TSC2: variants seen among roughly 807,000 people sequenced by gnomAD.
TSC2 encodes the protein tuberin.
TSC2 carries 29 observed loss-of-function variants against 202.2 expected under a neutral mutation model. The observed-to-expected ratio is 0.14, with a 90% CI of 0.11 to 0.20. TSC2 has a LOEUF of 0.20. Among genes scored for constraint, TSC2 ranks in the 10% least tolerant of loss-of-function variants. The probability of loss-of-function intolerance (pLI) is 1.00; values close to 1 mark genes in which losing one functional copy is unlikely to be tolerated. For synonymous variants in TSC2, 1,349 were observed against 1,044.0 expected, an observed-to-expected ratio of 1.29 and a Z score of -5.63; for missense variants, 2,429 against 2,420.0, an observed-to-expected ratio of 1.00 and a Z score of -0.08.
chr16:2,048,527 AGTGGGGAAG>A, intron 1 of TSC2, 51 bp from the exon 2 acceptor site: 1 of 1,605,270 alleles, frequency 6.2e-7, no homozygotes, highest in Non-Finnish European at 8.5e-7. Context: ...GGAGGTCCGC[AGTGGGGAAG>A]GTGGGCAGAG....
At chr16:2,077,823 C>G in intron 26 of TSC2, 97 bp downstream of exon 26, 2 of 1,582,928 alleles carry the variant, frequency 1.3e-6, no homozygotes, top group Non-Finnish European at 1.7e-6. Context: ...ACCTCATCGT[C>G]TGCCCGTGTC....
intron 14 of TSC2, chr16:2,064,006 C>G (rs1009462313): frequency 9.1e-6 from 5 of 552,402 alleles, no homozygotes; most frequent in South Asian, 3.9e-5. Flanking sequence ...CTCGGCTGCT[C>G]CTTGTGAGTT....
rs563617474 is a variant in TSC2 at position 2,048,578 on chromosome 16, T to C, written c.-29-9T>C. On this transcript the variant is annotated splice_polypyrimidine_tract_variant and intron_variant, in intron 1 of 41. Transcript: ENST00000219476. ...CTCAGATGTCCCCATTCCTGTTTCG[T>C]TTGCACAGAGGGGTTTTCTGGTGCG... The C allele has an allele frequency of 1.2e-6, 2 of 1,613,442 alleles. No homozygotes were observed. Among genetic ancestry groups the C allele is most frequent in the South Asian group, 2.2e-5 (2 of 91,076 alleles).
rs536317944 is a variant in TSC2 at position 2,087,708 on chromosome 16, C to T, written c.4990-155C>T. 3.9e-5 allele frequency among the ~76,000 whole-genome samples: 6 copies of T among 152,290 alleles called. No individual in the cohort carries two copies. The South Asian group carries it at 1.2e-3, about 32-fold the overall frequency. On this transcript the variant is annotated intron_variant, in intron 38 of 41. Coordinates refer to ENST00000219476, the MANE Select transcript of TSC2 (RefSeq NM_000548.5). The stretch of plus-strand genomic sequence containing the variant: ...TGGAGGGGGCTTGGCCTGGGGGAGG[C>T]CAGACAAACACAGCCCCGCTGCCAG...
chr16:2,049,226 C>T (rs2084773933), intron 2 of TSC2, among the ~76,000 whole-genome samples: 1 of 152,040 alleles, frequency 6.6e-6, no homozygotes, highest in African/African-American at 2.4e-5. Flanking sequence ...GCTGGGACTA[C>T]AGACACGTGC....
chr16:2,059,012 G>C (rs557200953), intron 10 of TSC2, 139 bp downstream of exon 10: 9 of 1,399,916 alleles, frequency 6.4e-6, no homozygotes, highest in Non-Finnish European at 8.8e-6. Flanking sequence ...CTTTGCAGCT[G>C]GGGGTGAGGT....
In TSC2 at chr16:2,080,324, A is replaced by G. The variant is rs137854421; in HGVS notation, c.3557A>G (p.Tyr1186Cys). 2.1e-4 allele frequency: 340 copies of G among 1,612,714 alleles called. No individual in the cohort carries two copies. Among genetic ancestry groups the G allele is most frequent in the South Asian group, 4.1e-4 (37 of 91,072 alleles). The change falls in exon 30 of 42, where the codon TAT (tyrosine) becomes TGT (cysteine). Residue 1186 changes from tyrosine (Y) to cysteine (C), a missense_variant. Tyr to Cys is a radical substitution (Grantham distance 194). Transcript: ENST00000219476. ...PVQEKTNLAA[Y>C]VPLLTQGWAE... ...CAGGAGAAGACGAACCTGGCGGCCTATGTGCCCCTGCTGACCCAGGGCTGG... is the reference window on the plus strand; with the variant it reads ...CAGGAGAAGACGAACCTGGCGGCCTGTGTGCCCCTGCTGACCCAGGGCTGG...
rs1567490981 is a variant in TSC2 at position 2,077,674 on chromosome 16, G to A, written c.2914G>A (p.Ala972Thr). 1.2e-6 allele frequency: 2 copies of A among 1,613,128 alleles called. No individual in the cohort carries two copies. Among genetic ancestry groups the A allele is most frequent in the Non-Finnish European group, 1.7e-6 (2 of 1,180,036 alleles). Reference protein sequence around the residue: ...PVKEFKESSAAEAFRCRSISV... With the variant: ...PVKEFKESSATEAFRCRSISV... The stretch of plus-strand genomic sequence containing the variant: ...GAAAGAATTCAAGGAGAGCTCTGCA[G>A]CCGAGGCCTTCCGGTGCCGCAGCAT... Residue 972 changes from alanine (A) to threonine (T), a missense_variant, in exon 26 of 42, where the codon GCC becomes ACC. Transcript: ENST00000219476.
rs1158055650 is a variant in TSC2, at chr16:2,063,012, G to C, written c.1402G>C (p.Val468Leu). The part of the protein sequence containing the change: ...RGAVRIKVLD[V>L]LSFVLLINRQ... ...CGCCGTGCGCATCAAGGTGCTGGAC[G>C]TGCTGTCCTTTGTGCTGCTCATCAA... The change falls in exon 14 of 42, where the codon GTG becomes CTG. Residue 468 changes from valine (V) to leucine (L), a missense_variant. Physicochemically the swap from Val to Leu is conservative, Grantham distance 32 (BLOSUM62 1). Coordinates refer to ENST00000219476, the MANE Select transcript of TSC2 (RefSeq NM_000548.5). The C allele has an allele frequency of 6.4e-7, 1 of 1,551,470 alleles. No homozygotes were observed. The highest frequency in any genetic ancestry group is 1.4e-5 in the African/African-American group (1 of 73,184).
At chr16:2,062,668 G>C in intron 13 of TSC2, 68 bp downstream of exon 13, 1 of 1,502,768 alleles carries the variant, frequency 6.7e-7, no homozygotes, top group South Asian at 1.2e-5. Flanking sequence ...GGGCCCACCC[G>C]GGCTGGGTCT....
intron 14 of TSC2, 193 bp from the exon 15 acceptor site, chr16:2,064,078 TG>T: frequency 1.2e-6 from 1 of 806,366 alleles, no homozygotes; most frequent in Non-Finnish European, 2.1e-6. Context: ...AACGAGGAGC[TG>T]GACAGGATCC....
At chr16:2,064,471 C>T (rs767976601) in intron 15 of TSC2, 44 bp downstream of exon 15, 1 of 1,611,282 alleles carries the variant, frequency 6.2e-7, no homozygotes, top group South Asian at 1.1e-5. Context: ...CGTGCCAGAG[C>T]TCCGTGGGCA....
In TSC2 at chr16:2,080,321, C is replaced by T. The variant is rs1057521812; in HGVS notation, c.3554C>T (p.Ala1185Val). The T allele has an allele frequency of 2.5e-6, 4 of 1,612,768 alleles. No homozygotes were observed. Among genetic ancestry groups the T allele is most frequent in the East Asian group, 4.5e-5 (2 of 44,882 alleles). The stretch of plus-strand genomic sequence containing the variant: ...GTGCAGGAGAAGACGAACCTGGCGG[C>T]CTATGTGCCCCTGCTGACCCAGGGC... ...VPVQEKTNLA[A>V]YVPLLTQGWA... Residue 1185 changes from alanine to valine, a missense_variant, in exon 30 of 42, where the codon GCC becomes GTC. Physicochemically the swap from Ala to Val is moderately conservative, Grantham distance 64. Transcript: ENST00000219476.
At position 2,086,266 on chromosome 16, in the gene TSC2, G is replaced by A. The variant is rs397515222; in HGVS notation, c.4736G>A (p.Gly1579Asp). Reference sequence around the variant, plus strand: ...TACACGGAGTTCCTGACGGGCCTGGGCCGGCTCATCGAGCTGAAGGACTGC... The same window carrying A: ...TACACGGAGTTCCTGACGGGCCTGGACCGGCTCATCGAGCTGAAGGACTGC... Reference protein sequence around the residue: ...YRYTEFLTGLGRLIELKDCQP... With the variant: ...YRYTEFLTGLDRLIELKDCQP... Residue 1579 changes from glycine to aspartate, a missense_variant, in exon 37 of 42, where the codon GGC becomes GAC. Physicochemically the swap from Gly to Asp is moderately conservative, Grantham distance 94. Coordinates refer to ENST00000219476, the MANE Select transcript of TSC2 (RefSeq NM_000548.5). The A allele has an allele frequency of 6.2e-7, 1 of 1,612,868 alleles. No individual in the cohort carries two copies. The highest frequency in any genetic ancestry group is 8.5e-7 in the Non-Finnish European group (1 of 1,179,974).
At chr16:2,056,062 T>C (rs2085767572) in intron 6 of TSC2, 134 bp from the exon 7 acceptor site, 1 of 1,112,650 alleles carries the variant, frequency 9.0e-7, no homozygotes, top group Non-Finnish European at 1.3e-6. Flanking sequence ...ACCTGAGTGC[T>C]TGTTGGGTGG....
At position 2,054,424 on chromosome 16, in the gene TSC2, C is replaced by T. The variant is rs45444196; in HGVS notation, c.465C>T (p.Tyr155=). The change falls in exon 5 of 42, where the codon TAC becomes TAT. Residue 155 remains tyrosine, a synonymous_variant. Transcript: ENST00000219476. ...CAGACAATGGGAGACACATCACCTACTTGGAGGAAGAGCTGGGTGGGTGCC... is the reference window on the plus strand; with the variant it reads ...CAGACAATGGGAGACACATCACCTATTTGGAGGAAGAGCTGGGTGGGTGCC... ...ALTDNGRHIT[Y]LEEELADFVL... is the part of the protein sequence containing the mutation. The T allele has an allele frequency of 5.9e-5, 96 of 1,614,220 alleles. 1 individual carries two copies. The Middle Eastern group carries it at 9.9e-4, about 17-fold the overall frequency.
rs1192379518 is a variant in TSC2 at position 2,055,499 on chromosome 16, G to A, written c.579G>A (p.Glu193=). ...LVKFNSCYLD[E]YIARMVQMIC... ...AATTCAATAGCTGTTACCTCGACGA[G>A]TACATCGCAAGGATGGTTCAGTAAG... Residue 193 remains glutamate (E), a synonymous_variant, in exon 6 of 42, where the codon GAG becomes GAA. Coordinates refer to ENST00000219476, the MANE Select transcript of TSC2 (RefSeq NM_000548.5). 2 of 1,614,028 alleles carry A rather than the reference G, an allele frequency of 1.2e-6. No homozygotes were observed. Among genetic ancestry groups the A allele is most frequent in the African/African-American group, 2.7e-5 (2 of 74,922 alleles).
intron 15 of TSC2, 190 bp from the exon 16 acceptor site, chr16:2,065,329 C>T (rs1200720191): frequency 2.8e-5 from 17 of 601,868 alleles, no homozygotes; most frequent in South Asian, 1.6e-4. Flanking sequence ...AGGAGAATGG[C>T]GTGAACCTGG....
chr16:2,054,388 C>G lies in TSC2; in HGVS notation c.429C>G (p.Phe143Leu), dbSNP rs137854406. 1.9e-5 allele frequency: 31 copies of G among 1,614,122 alleles called. No homozygotes were observed. Among genetic ancestry groups the G allele is most frequent in the Non-Finnish European group, 2.2e-5 (26 of 1,180,050 alleles). The change falls in exon 5 of 42, where the codon TTC (phenylalanine) becomes TTG (leucine). Residue 143 changes from phenylalanine (F) to leucine (L), a missense_variant. Transcript: ENST00000219476. ...NEDLHERLEV[F>L]KALTDNGRHI... ...ACCTTCACGAAAGGCTGGAGGTTTT[C>G]AAGGCCCTCACAGACAATGGGAGAC...
Sources: allele counts gnomAD v4.1 joint callset (sites outside exome capture counted in the v4.1 genomes callset), GRCh38; gene constraint gnomAD v4.1.1; transcripts MANE v1.5; gene names NCBI Gene and HGNC (gene_info 2026-07-23, HGNC 2026-07-21).